Variants in SENP7 observed in about 807,000 individuals in gnomAD.
SENP7 encodes SUMO specific peptidase 7, also known as sentrin-specific protease 7.
Under a neutral mutation model 141.2 loss-of-function variants are expected in SENP7, and 64 were observed. That is an observed-to-expected ratio of 0.45 (90% CI 0.37 to 0.56). The LOEUF is 0.56. SENP7 is among the 20% of genes least tolerant of loss of function. The pLI is 0.00. For synonymous variants in SENP7, 382 were observed against 426.4 expected (o/e 0.90, Z 1.28); for missense variants, 1,025 against 1,212.2 (o/e 0.85, Z 2.29).
intron 1 of SENP7, among the ~76,000 whole-genome samples, chr3:101,506,776 A>G (rs6441610): frequency 0.68 from 103,773 of 152,200 alleles, 35,887 homozygotes; most frequent in African/African-American, 0.78. Flanking sequence ...GCTTGGGCTG[A>G]GCATGGTGGC....
rs139721611 is a variant in SENP7, at chr3:101,372,606, T to G, written c.678-480A>C. Among the ~76,000 whole-genome samples the G allele has an allele frequency of 3.6e-3, 548 of 152,144 alleles. 3 individuals carry two copies. The highest frequency in any genetic ancestry group is 6.2e-3 in the Non-Finnish European group (420 of 67,902). On this transcript the variant is annotated intron_variant, in intron 6 of 23. Transcript: ENST00000394095. ...TACCTACAGAGAAAATAATTTAAAG[T>G]CTAAGGTACTGGTAAAATAACAAAT...
intron 6 of SENP7, among the ~76,000 whole-genome samples, chr3:101,377,448 A>G (rs189681861): frequency 2.2e-4 from 33 of 152,332 alleles, no homozygotes; most frequent in Admixed American, 3.9e-4. Flanking sequence ...TTCAGTGTAC[A>G]TAAGTCTAAG....
chr3:101,427,753 C>T (rs12491955), intron 4 of SENP7, among the ~76,000 whole-genome samples: 103,442 of 151,806 alleles, frequency 0.68, 35,736 homozygotes, highest in African/African-American at 0.78. Flanking sequence ...ACATGCAGGT[C>T]TGTTACATAG....
intron 4 of SENP7, among the ~76,000 whole-genome samples, chr3:101,455,550 C>T (rs549158430): frequency 4.6e-5 from 7 of 151,860 alleles, no homozygotes; most frequent in South Asian, 2.1e-4. Context: ...AAAAAAAATA[C>T]GCTACAAGAG....
chr3:101,454,175 G>T (rs908590710), intron 4 of SENP7, among the ~76,000 whole-genome samples: 3 of 152,164 alleles, frequency 2.0e-5, no homozygotes, highest in South Asian at 2.1e-4. Context: ...GCATGACACA[G>T]CAATTCTAAT....
chr3:101,493,412 C>CA (rs534114225), intron 3 of SENP7, among the ~76,000 whole-genome samples: 5 of 152,066 alleles, frequency 3.3e-5, no homozygotes, highest in Non-Finnish European at 5.9e-5. Flanking sequence ...AAACAAAACA[C>CA]AAAAAACTGC....
intron 13 of SENP7, 110 bp downstream of exon 13, chr3:101,347,762 T>G (rs985161929): frequency 5.2e-5 from 26 of 496,792 alleles, no homozygotes; most frequent in Non-Finnish European, 7.6e-5. Flanking sequence ...TTTCACTAAA[T>G]AAAATTAATT....
At chr3:101,452,942 G>C (rs893062686) in intron 4 of SENP7, among the ~76,000 whole-genome samples, 1 of 152,082 alleles carries the variant, frequency 6.6e-6, no homozygotes, top group African/African-American at 2.4e-5. Flanking sequence ...TACAGAATGG[G>C]AGAAAATTTT....
intron 4 of SENP7, chr3:101,457,729 T>C (rs2063402691): frequency 1.1e-6 from 1 of 941,858 alleles, no homozygotes; most frequent in Non-Finnish European, 1.7e-6. Context: ...GTTTCTTTCA[T>C]CCTATCAGAG....
intron 4 of SENP7, among the ~76,000 whole-genome samples, chr3:101,420,405 G>C (rs780406584): frequency 3.3e-5 from 5 of 152,136 alleles, no homozygotes; most frequent in Non-Finnish European, 5.9e-5. Context: ...AGGAACATAG[G>C]TTTGAAAAAA....
chr3:101,412,069 G>A (rs1211481684), intron 5 of SENP7, among the ~76,000 whole-genome samples: 1 of 151,970 alleles, frequency 6.6e-6, no homozygotes, highest in Non-Finnish European at 1.5e-5. Context: ...AATAATGCAG[G>A]GAAAACTCTG....
intron 1 of SENP7, among the ~76,000 whole-genome samples, chr3:101,504,194 T>C (rs1264388544): frequency 6.6e-6 from 1 of 151,714 alleles, no homozygotes; most frequent in East Asian, 1.9e-4. Context: ...CTGATGCCTG[T>C]AATCCCAGCA....
At chr3:101,468,208 T>A (rs913562832) in intron 3 of SENP7, among the ~76,000 whole-genome samples, 1 of 152,054 alleles carries the variant, frequency 6.6e-6, no homozygotes, top group African/African-American at 2.4e-5. Flanking sequence ...TGGGACTATG[T>A]GAAAAGACCA....
Position 101,341,793 on chromosome 3 carries a change from G to A in SENP7, c.2107-14C>T. ...TGTGTTTGAGGGCTGACAGAAAGTG[G>A]CAAGAAAAAGGGTCTCAAACATCAT... On this transcript the variant is annotated splice_polypyrimidine_tract_variant and intron_variant, in intron 14 of 23. Coordinates refer to ENST00000394095, the MANE Select transcript of SENP7 (RefSeq NM_020654.5). The A allele has an allele frequency of 6.4e-7, 1 of 1,567,486 alleles. No individual in the cohort carries two copies. The highest frequency in any genetic ancestry group is 1.2e-5 in the South Asian group (1 of 85,620).
chr3:101,449,484 C>G (rs556402829), intron 4 of SENP7, among the ~76,000 whole-genome samples: 1 of 152,230 alleles, frequency 6.6e-6, no homozygotes, highest in South Asian at 2.1e-4. Flanking sequence ...GTCGGGTTAC[C>G]CACAAAGGGA....
intron 4 of SENP7, among the ~76,000 whole-genome samples, chr3:101,450,723 G>A (rs553624592): frequency 1.3e-5 from 2 of 152,262 alleles, no homozygotes; most frequent in East Asian, 3.9e-4. Flanking sequence ...AGTGTGTAGA[G>A]GGAAATTTAT....
intron 1 of SENP7, among the ~76,000 whole-genome samples, chr3:101,510,363 C>T (rs1237298033): frequency 1.3e-5 from 2 of 152,096 alleles, no homozygotes; most frequent in African/African-American, 4.8e-5. Context: ...AAGTTTTGAG[C>T]GGTACACTGT....
At chr3:101,406,963 C>T (rs1051234526) in intron 5 of SENP7, among the ~76,000 whole-genome samples, 5 of 152,140 alleles carry the variant, frequency 3.3e-5, no homozygotes, top group South Asian at 4.1e-4. Context: ...TTGTATGCAG[C>T]GAAACTAAGC....
chr3:101,497,692 G>C (rs1179462121), intron 2 of SENP7, among the ~76,000 whole-genome samples: 2 of 152,200 alleles, frequency 1.3e-5, no homozygotes, highest in African/African-American at 4.8e-5. Context: ...GCCAAGCACA[G>C]TGGCTCACAC....
Sources: gnomAD v4.1 joint callset for allele counts (sites outside exome capture counted in the v4.1 genomes callset) on GRCh38, gnomAD v4.1.1 for gene constraint, MANE v1.5 for transcripts, NCBI Gene and HGNC (gene_info 2026-07-23, HGNC 2026-07-21) for gene names.